The following CDK14 variants were observed in gnomAD, a reference collection of about 807,000 sequenced individuals.
CDK14 encodes cyclin dependent kinase 14.
In CDK14, 34 loss-of-function variants were observed where a neutral mutation model predicts 60.7. The ratio of observed to expected loss-of-function variants is 0.56; its 90% CI spans 0.43 to 0.75. The LOEUF (loss-of-function observed/expected upper bound fraction) is 0.75, where lower values mean the gene tolerates loss of function less well. CDK14 is among the 30% of genes least tolerant of loss of function. The pLI, the probability that CDK14 is intolerant of heterozygous loss-of-function variation, is 0.00. For missense variants in CDK14, 482 were observed against 564.1 expected (o/e 0.85, Z 1.47); for synonymous variants, 197 against 203.7 (o/e 0.97, Z 0.28).
chr7:90,673,292 C>T (rs917569199), intron 2 of CDK14, among the ~76,000 whole-genome samples: 2 of 152,080 alleles, frequency 1.3e-5, no homozygotes, highest in African/African-American at 2.4e-5. Context: ...TGTTAGGTGC[C>T]GTTATAAGGG....
At chr7:91,027,992 C>T (rs368495047) in intron 10 of CDK14, among the ~76,000 whole-genome samples, 65 of 125,236 alleles carry the variant, frequency 5.2e-4, no homozygotes, top group African/African-American at 2.0e-3. Context: ...CCCTGTCACC[C>T]GAATAGTGTG....
intron 9 of CDK14, among the ~76,000 whole-genome samples, chr7:90,959,049 C>A (rs1794519752): frequency 6.6e-6 from 1 of 152,074 alleles, no homozygotes; most frequent in South Asian, 2.1e-4. Context: ...ACTTTTTCTT[C>A]CTCGTGTGTG....
intron 5 of CDK14, among the ~76,000 whole-genome samples, chr7:90,845,889 A>T (rs968550279): frequency 6.6e-6 from 1 of 152,162 alleles, no homozygotes; most frequent in Non-Finnish European, 1.5e-5. Context: ...AGAATAGTGC[A>T]TTCAGTTAGT....
intron 9 of CDK14, among the ~76,000 whole-genome samples, chr7:90,962,350 G>T (rs1035619658): frequency 6.6e-6 from 1 of 152,156 alleles, no homozygotes; most frequent in African/African-American, 2.4e-5. Context: ...GCTGGGCATG[G>T]TGGCACATGC....
chr7:90,795,034 T>C (rs1291018938), intron 5 of CDK14, among the ~76,000 whole-genome samples: 1 of 152,226 alleles, frequency 6.6e-6, no homozygotes, highest in Non-Finnish European at 1.5e-5. Context: ...CACAAGCTTT[T>C]TTTTAATGTC....
chr7:91,013,676 CT>C (rs1796225623), intron 10 of CDK14, among the ~76,000 whole-genome samples: 1 of 69,064 alleles, frequency 1.4e-5, no homozygotes, highest in Admixed American at 1.6e-4. Context: ...TTTTTTTTTT[CT>C]TTTTTTCTCT....
intron 2 of CDK14, among the ~76,000 whole-genome samples, chr7:90,628,145 C>T (rs17865962): frequency 0.093 from 14,132 of 151,986 alleles, 838 homozygotes; most frequent in South Asian, 0.15. Context: ...TTTGTAGAGA[C>T]GGGGTTCTGC....
chr7:90,602,140 T>C (rs1799329534), intron 1 of CDK14, among the ~76,000 whole-genome samples: 1 of 152,088 alleles, frequency 6.6e-6, no homozygotes. Flanking sequence ...ATTGGATGCT[T>C]TGCTTAAGAA....
chr7:90,612,686 C>T (rs1169952689), intron 2 of CDK14, among the ~76,000 whole-genome samples: 2 of 148,316 alleles, frequency 1.3e-5, no homozygotes, highest in East Asian at 2.0e-4. Flanking sequence ...GCAGGAAAAT[C>T]GCCTGAACCC....
At chr7:90,702,366 G>A (rs2116617984) in intron 2 of CDK14, among the ~76,000 whole-genome samples, 1 of 152,250 alleles carries the variant, frequency 6.6e-6, no homozygotes. Context: ...ACTTATGCAT[G>A]TTTGTAGTGA....
At chr7:91,040,184 G>A (rs888609613) in intron 10 of CDK14, among the ~76,000 whole-genome samples, 3 of 152,170 alleles carry the variant, frequency 2.0e-5, no homozygotes, top group African/African-American at 4.8e-5. Flanking sequence ...CACATTCGTT[G>A]TACTGTCGGG....
chr7:90,609,217 G>A (rs1209200175), intron 2 of CDK14, among the ~76,000 whole-genome samples: 1 of 152,104 alleles, frequency 6.6e-6, no homozygotes, highest in African/African-American at 2.4e-5. Flanking sequence ...TAGAGATGGA[G>A]TCTCACCATA....
chr7:90,889,637 A>G (rs1792053633), intron 6 of CDK14, among the ~76,000 whole-genome samples: 2 of 152,250 alleles, frequency 1.3e-5, no homozygotes, highest in African/African-American at 2.4e-5. Flanking sequence ...TTTATGTAGT[A>G]TAAAATACTG....
At chr7:90,607,053 A>G (rs559649906) in intron 2 of CDK14, among the ~76,000 whole-genome samples, 1 of 152,218 alleles carries the variant, frequency 6.6e-6, no homozygotes, top group African/African-American at 2.4e-5. Context: ...AGGGAGGCAC[A>G]TCTTACACAT....
intron 3 of CDK14, among the ~76,000 whole-genome samples, chr7:90,744,054 C>T (rs896654012): frequency 1.3e-5 from 2 of 151,312 alleles, no homozygotes; most frequent in Admixed American, 6.6e-5. Flanking sequence ...GGGTGTTTCT[C>T]GCAGAGGGGG....
intron 11 of CDK14, among the ~76,000 whole-genome samples, chr7:91,066,178 G>A (rs1046294567): frequency 1.3e-5 from 2 of 152,126 alleles, no homozygotes; most frequent in Non-Finnish European, 2.9e-5. Flanking sequence ...AGTTAATTAT[G>A]AAGAACAGCT....
chr7:90,736,816 G>A (rs1021111949), intron 3 of CDK14, among the ~76,000 whole-genome samples: 8 of 152,022 alleles, frequency 5.3e-5, no homozygotes, highest in South Asian at 2.1e-4. Context: ...CTTCCCAGCC[G>A]TATACATCTA....
chr7:91,170,867 A>G, intron 14 of CDK14, among the ~76,000 whole-genome samples: 1 of 151,024 alleles, frequency 6.6e-6, no homozygotes. Flanking sequence ...CCCGGGTTCA[A>G]GTGATTCTTC....
At chr7:90,636,146 C>G (rs1483280464) in intron 2 of CDK14, among the ~76,000 whole-genome samples, 1 of 151,140 alleles carries the variant, frequency 6.6e-6, no homozygotes, top group Admixed American at 6.6e-5. Flanking sequence ...TGCCTAATTG[C>G]CCTGGCCAGA....
Sources: gnomAD v4.1 joint callset for allele counts (sites outside exome capture counted in the v4.1 genomes callset) on GRCh38, gnomAD v4.1.1 for gene constraint, MANE v1.5 for transcripts, NCBI Gene and HGNC (gene_info 2026-07-23, HGNC 2026-07-21) for gene names.